The following METTL3 variants were observed in gnomAD, a reference collection of about 807,000 sequenced individuals.
The protein encoded by METTL3 is methyltransferase 3, N6-adenosine-methyltransferase complex catalytic subunit.
In METTL3, 42 loss-of-function variants were observed where a neutral mutation model predicts 64.3. That is an observed-to-expected ratio of 0.65 (90% CI 0.51 to 0.84). METTL3 has a LOEUF of 0.84. Among genes scored for constraint, METTL3 ranks in the 40% least tolerant of loss-of-function variants. METTL3 has a pLI of 0.00. For synonymous variants in METTL3, 256 were observed against 263.6 expected, an observed-to-expected ratio of 0.97 and a Z score of 0.28; for missense variants, 435 against 722.3, an observed-to-expected ratio of 0.60 and a Z score of 4.56.
rs1373546512 is a variant in METTL3, at chr14:21,511,132, C to T, written c.92G>A (p.Gly31Glu). Residue 31 changes from glycine to glutamate, a missense_variant, in exon 1 of 11, where the codon GGG becomes GAG. This residue lies in a region of METTL3 where 228 missense variants were observed against 279.6 expected (regional missense o/e 0.82). Coordinates refer to ENST00000298717, the MANE Select transcript of METTL3 (RefSeq NM_019852.5). ...RLQRRRKQDS[G>E]HLDLRNPEAA... is the part of the protein sequence containing the mutation. ...ACAGCCCAGTGCCTCACCCAAGTGC[C>T]CCGAGTCCTGCTTCCGCCTCCGCTG... 2 of 1,614,062 alleles carry T rather than the reference C, an allele frequency of 1.2e-6. No individual in the cohort carries two copies. Among genetic ancestry groups the T allele is most frequent in the Admixed American group, 3.3e-5 (2 of 59,998 alleles).
At position 21,499,028 on chromosome 14, in the gene METTL3, T is replaced by C. The variant is rs1891486535; in HGVS notation, c.1628A>G (p.Asn543Ser). ...GCCTGTTCTCTGGTCACCTTACCAG[T>C]TGGGTTGCACATTGTGTGGTCGTCC... ...LFGRPHNVQPNWITLGNQLDG... is the reference protein window; with the variant it reads ...LFGRPHNVQPSWITLGNQLDG... The change falls in exon 10 of 11, where the codon AAC becomes AGC. Residue 543 changes from asparagine (N) to serine (S), a missense_variant. Asn to Ser is a conservative substitution (Grantham distance 46). Around this residue, in one of 9 missense-constraint regions of METTL3, gnomAD observed 38 missense variants for 102.3 expected, o/e 0.37. Coordinates refer to ENST00000298717, the MANE Select transcript of METTL3 (RefSeq NM_019852.5). The C allele has an allele frequency of 1.9e-6, 3 of 1,611,408 alleles. No homozygotes were observed. Among genetic ancestry groups the C allele is most frequent in the Non-Finnish European group, 2.5e-6 (3 of 1,177,534 alleles).
At chr14:21,501,625 CTA>C in intron 4 of METTL3, 101 bp downstream of exon 4, 1 of 1,462,064 alleles carries the variant, frequency 6.8e-7, no homozygotes, top group South Asian at 1.2e-5. Flanking sequence ...AAACCATAAA[CTA>C]AATAAGATTA....
chr14:21,503,118 C>T, intron 3 of METTL3, 55 bp downstream of exon 3: 1 of 1,538,464 alleles, frequency 6.5e-7, no homozygotes, highest in South Asian at 1.2e-5. Context: ...AAATCCCTGT[C>T]AAACAAAGCT....
intron 1 of METTL3, chr14:21,504,358 C>CA (rs145610915): frequency 0.011 from 1,705 of 157,428 alleles, 19 homozygotes; most frequent in Non-Finnish European, 0.018. Flanking sequence ...CTATAACACT[C>CA]ACAAACACAA....
Position 21,503,380 on chromosome 14 carries a change from A to G in METTL3, c.516T>C (p.Thr172=). ...CTGCACGCCGCTTCTGCCCTGTGAC[A>G]GTCCCTGCTACCTCCCCAGGGCCCT... ...EKKGPGEVAG[T]VTGQKRRAEQ... Residue 172 remains threonine, a synonymous_variant, in exon 3 of 11, where the codon ACT becomes ACC. Coordinates refer to ENST00000298717, the MANE Select transcript of METTL3 (RefSeq NM_019852.5). 1 of 1,614,170 alleles carries G rather than the reference A, an allele frequency of 6.2e-7. No homozygotes were observed.
Position 21,498,302 on chromosome 14 carries a change from G to A in METTL3, c.1699C>T (p.Gln567Ter). ...LDPDVVARFKQRYPDGIISKP... is the reference protein window; with the variant it reads ...LDPDVVARFK ...GAGATGATACCATCTGGGTACCTTT[G>A]CTTGAACCGTGCAACCACATCTGGG... The change falls in exon 11 of 11, where the codon CAA (glutamine) becomes TAA (stop). Residue 567 changes from glutamine (Q) to a stop codon, truncating the protein, a stop_gained. Transcript: ENST00000298717. LOFTEE classifies it high-confidence loss of function. 1 of 1,613,848 alleles carries A rather than the reference G, an allele frequency of 6.2e-7. No individual in the cohort carries two copies. Among genetic ancestry groups the A allele is most frequent in the South Asian group, 1.1e-5 (1 of 91,070 alleles).
At chr14:21,504,000 T>C (rs1891637114) in intron 1 of METTL3, 119 bp from the exon 2 acceptor site, 2 of 880,110 alleles carry the variant, frequency 2.3e-6, no homozygotes, top group Admixed American at 2.7e-5. Flanking sequence ...CAGGAAATTC[T>C]GTGACCAACT....
chr14:21,511,262 G>C lies in METTL3; in HGVS notation c.-39C>G, dbSNP rs1190195698. On this transcript the variant is annotated 5_prime_UTR_variant, in exon 1 of 11. Coordinates refer to ENST00000298717, the MANE Select transcript of METTL3 (RefSeq NM_019852.5). ...CCCTGACACCTCTCGAATAAGGCGC[G>C]GCGGACTAGCACCTCCCAGCACTCG... 1 of 1,596,986 alleles carries C rather than the reference G, an allele frequency of 6.3e-7. No individual in the cohort carries two copies. The highest frequency in any genetic ancestry group is 8.5e-7 in the Non-Finnish European group (1 of 1,172,094).
rs1447454859 is a variant in METTL3, at chr14:21,498,505, GA to G, written c.1632-137del. 26 of 772,648 alleles carry G rather than the reference GA, an allele frequency of 3.4e-5. No individual in the cohort carries two copies. In the African/African-American group the frequency reaches 4.5e-4, roughly 13 times the overall value. 47.9% of individuals were successfully genotyped at this position (772,648 alleles called of 1,614,324 possible). A position where few individuals can be genotyped will look rare whatever the true frequency, so the allele number is the denominator to read the frequency against. On this transcript the variant is annotated intron_variant, in intron 10 of 10. Coordinates refer to ENST00000298717, the MANE Select transcript of METTL3 (RefSeq NM_019852.5). Reference sequence around the variant, plus strand: ...CAATTCTAAAAAGAGCTTAACATTAGAATAGTATATGGTAGAATTACTAGTT... The same window carrying G: ...CAATTCTAAAAAGAGCTTAACATTAGATAGTATATGGTAGAATTACTAGTT...
rs1280667842 is a variant in METTL3 at position 21,507,960 on chromosome 14, C to CT, written c.100+3163dup. On this transcript the variant is annotated intron_variant, in intron 1 of 10. Transcript: ENST00000298717. Reference sequence around the variant, plus strand: ...ACATTTAATTACAACCCCAAAAATACTTTTATAAGAGTCTTAACTAGACTG... The same window carrying CT: ...ACATTTAATTACAACCCCAAAAATACTTTTTATAAGAGTCTTAACTAGACTG... 3 of 152,192 alleles carry CT rather than the reference C, an allele frequency of 2.0e-5. No homozygotes were observed. The East Asian group carries it at 5.8e-4, about 29-fold the overall frequency. 9.4% of individuals were successfully genotyped at this position (152,192 alleles called of 1,614,324 possible). A position where few individuals can be genotyped will look rare whatever the true frequency, so the allele number is the denominator to read the frequency against.
intron 9 of METTL3, 59 bp from the exon 10 acceptor site, chr14:21,499,196 C>T: frequency 6.3e-7 from 1 of 1,580,534 alleles, no homozygotes. Flanking sequence ...CTAGCCCTTT[C>T]TATTATGTTT....
intron 1 of METTL3, 121 bp downstream of exon 1, chr14:21,511,003 A>G: frequency 1.8e-6 from 2 of 1,126,122 alleles, no homozygotes; most frequent in South Asian, 3.3e-5. Flanking sequence ...AGGGAGTACC[A>G]ATGTACGAGG....
At chr14:21,501,951 G>A (rs1329359631) in intron 3 of METTL3, 48 bp from the exon 4 acceptor site, 16 of 1,561,558 alleles carry the variant, frequency 1.0e-5, no homozygotes, top group Non-Finnish European at 1.3e-5. Context: ...AGATCAAATT[G>A]GCTCTTAGAC....
chr14:21,499,564 T>G lies in METTL3; in HGVS notation c.1380A>C (p.Thr460=). Residue 460 remains threonine (T), a synonymous_variant, in exon 8 of 11, where the codon ACA becomes ACC. Coordinates refer to ENST00000298717, the MANE Select transcript of METTL3 (RefSeq NM_019852.5). ...ERVDEIIWVK[T]NQLQRIIRTG... is the part of the protein sequence containing the mutation. The stretch of plus-strand genomic sequence containing the variant: ...TCCGAATGATGCGTTGCAGTTGATT[T>G]GTCTTCACCCAAATAATTTCATCTA... 1.2e-6 allele frequency: 2 copies of G among 1,614,258 alleles called. No individual in the cohort carries two copies. Among genetic ancestry groups the G allele is most frequent in the Admixed American group, 1.7e-5 (1 of 60,026 alleles).
intron 3 of METTL3, chr14:21,502,237 C>T: frequency 4.6e-6 from 1 of 219,118 alleles, no homozygotes; most frequent in Non-Finnish European, 9.2e-6. Flanking sequence ...TTGCCCAGGC[C>T]GGTCTTGAAC....
chr14:21,502,012 C>CTTTTT lies in METTL3; in HGVS notation c.724-114_724-110dup, dbSNP rs75402343. The CTTTTT allele has an allele frequency of 6.6e-4, 301 of 457,966 alleles. 1 individual carries two copies. The highest frequency in any genetic ancestry group is 9.8e-4 in the Admixed American group (21 of 21,454). The allele number at this position is 457,966 out of a possible 1,614,324, so 28.4% of individuals were successfully genotyped here. On this transcript the variant is annotated intron_variant, in intron 3 of 10. Coordinates refer to ENST00000298717, the MANE Select transcript of METTL3 (RefSeq NM_019852.5). ...TAATGTCTTCTAAGAGATAAATCAA[C>CTTTTT]TTTTTTTTTTTTTTTTTTTTTAAGA...
intron 1 of METTL3, chr14:21,504,170 T>G (rs1891641225): frequency 2.7e-6 from 1 of 370,196 alleles, no homozygotes; most frequent in African/African-American, 2.1e-5. Flanking sequence ...CATGATAGAT[T>G]TAAATATCCC....
chr14:21,498,946 A>T (rs908586148), intron 10 of METTL3, 79 bp downstream of exon 10: 12 of 963,196 alleles, frequency 1.2e-5, no homozygotes, highest in Non-Finnish European at 1.8e-5. Context: ...GTGTAAAACA[A>T]TGTGAAGCTC....
chr14:21,500,370 A>C, intron 6 of METTL3, 125 bp downstream of exon 6: 1 of 799,212 alleles, frequency 1.3e-6, no homozygotes, highest in Non-Finnish European at 1.9e-6. Context: ...TCAAAAAAAA[A>C]GAAAAAAAGA....
Sources: gnomAD v4.1 joint callset for allele counts on GRCh38, gnomAD v4.1.1 for gene constraint, gnomAD v4.1.1 regional missense constraint, MANE v1.5 for transcripts, NCBI Gene and HGNC (gene_info 2026-07-23, HGNC 2026-07-21) for gene names.